Variants in ANK3 observed in about 807,000 individuals in gnomAD.
ANK3 encodes the protein ankyrin-3.
Under a neutral mutation model 370.9 loss-of-function variants are expected in ANK3, and 57 were observed. That is an observed-to-expected ratio of 0.15 (90% CI 0.12 to 0.19). ANK3 has a LOEUF of 0.19. Ranked by LOEUF, ANK3 falls within the 10% of genes least tolerant of loss-of-function variation. The pLI is 1.00. For missense variants in ANK3, 4,439 were observed against 5,302.1 expected (o/e 0.84, Z 5.06); for synonymous variants, 1,929 against 1,946.3 (o/e 0.99, Z 0.23).
At chr10:60,429,500 T>C (rs2063966302) in intron 2 of ANK3, among the ~76,000 whole-genome samples, 1 of 152,232 alleles carries the variant, frequency 6.6e-6, no homozygotes, top group African/African-American at 2.4e-5. Flanking sequence ...TAAGAGTTTA[T>C]TTTTGTAGGA....
intron 2 of ANK3, among the ~76,000 whole-genome samples, chr10:60,565,935 T>C (rs1408175173): frequency 6.6e-6 from 1 of 152,230 alleles, no homozygotes; most frequent in Non-Finnish European, 1.5e-5. Context: ...TTGCAGATAT[T>C]GCATTTTTTA....
At chr10:60,545,618 G>C (rs552921608) in intron 2 of ANK3, among the ~76,000 whole-genome samples, 3 of 151,990 alleles carry the variant, frequency 2.0e-5, no homozygotes, top group Admixed American at 6.6e-5. Flanking sequence ...ATTTTCAAGG[G>C]ATTGAAATAC....
rs545482915 is a variant in ANK3, at chr10:60,583,819, C to T, written c.96+31367G>A. On this transcript the variant is annotated intron_variant, in intron 2 of 43. Coordinates refer to the ANK3 transcript ENST00000373827. The stretch of plus-strand genomic sequence containing the variant: ...CAGATTGGTCTCGAACTCCTGACCT[C>T]GTGATCCACCTGCCTTGACCTCCCA... Among the ~76,000 whole-genome samples, 56 of 152,130 alleles carry T rather than the reference C, an allele frequency of 3.7e-4. 1 individual carries two copies. The highest frequency in any genetic ancestry group is 3.0e-3 in the Admixed American group (46 of 15,280).
At chr10:60,205,553 G>A (rs1341964786) in intron 11 of ANK3, among the ~76,000 whole-genome samples, 2 of 152,260 alleles carry the variant, frequency 1.3e-5, no homozygotes, top group Non-Finnish European at 2.9e-5. Context: ...TTCCCCTTAA[G>A]CATGTGTTTT....
chr10:60,547,300 C>G (rs1006541002), intron 2 of ANK3, among the ~76,000 whole-genome samples: 10 of 152,038 alleles, frequency 6.6e-5, no homozygotes, highest in Admixed American at 6.6e-5. Context: ...ATCATCTTGG[C>G]CAGACTGGTC....
At chr10:60,535,327 A>G (rs1369895777) in intron 2 of ANK3, among the ~76,000 whole-genome samples, 1 of 152,116 alleles carries the variant, frequency 6.6e-6, no homozygotes, top group African/African-American at 2.4e-5. Flanking sequence ...TCTATTTTAT[A>G]GCAATGAAAA....
At chr10:60,043,049 C>T (rs2076388303) in intron 42 of ANK3, 25 of 1,143,906 alleles carry the variant, frequency 2.2e-5, no homozygotes, top group Non-Finnish European at 2.6e-5. Flanking sequence ...CTATAGTAAG[C>T]TAAAAGAAAT....
intron 1 of ANK3, among the ~76,000 whole-genome samples, chr10:60,364,051 T>C (rs2059047869): frequency 6.6e-6 from 1 of 151,304 alleles, no homozygotes; most frequent in Non-Finnish European, 1.5e-5. Flanking sequence ...CCCAGCACTT[T>C]CGGAGGCTGA....
intron 1 of ANK3, among the ~76,000 whole-genome samples, chr10:60,329,833 T>C (rs572781766): frequency 6.6e-6 from 1 of 152,176 alleles, no homozygotes; most frequent in African/African-American, 2.4e-5. Context: ...GCCAAGACAA[T>C]CCTAAGCAAA....
chr10:60,120,156 C>A (rs900448166), intron 25 of ANK3, among the ~76,000 whole-genome samples: 1 of 152,060 alleles, frequency 6.6e-6, no homozygotes, highest in African/African-American at 2.4e-5. Flanking sequence ...AGAGATAAAT[C>A]CATACATCTA....
intron 2 of ANK3, among the ~76,000 whole-genome samples, chr10:60,502,488 CT>C (rs2075826097): frequency 6.6e-6 from 1 of 152,166 alleles, no homozygotes; most frequent in Non-Finnish European, 1.5e-5. Context: ...AATGACGTAT[CT>C]ATGTAAAACA....
Position 60,071,882 on chromosome 10 carries a change from C to T in ANK3, c.8999G>A (p.Ser3000Asn). Residue 3000 changes from serine (S) to asparagine (N), a missense_variant, in exon 37 of 44, where the codon AGT (serine) becomes AAT (asparagine). Coordinates refer to ENST00000280772, the MANE Select transcript of ANK3 (RefSeq NM_020987.5). The stretch of plus-strand genomic sequence containing the variant: ...GTGCTGTGTCTCAACTGTCTCTTTA[C>T]TCATGCTTGACTGGGACAATTTTTG... ...LSQKLSQSSMSKETVETQHFN... is the reference protein window; with the variant it reads ...LSQKLSQSSMNKETVETQHFN... 1 of 1,614,086 alleles carries T rather than the reference C, an allele frequency of 6.2e-7. No homozygotes were observed. The highest frequency in any genetic ancestry group is 8.5e-7 in the Non-Finnish European group (1 of 1,180,006).
chr10:60,540,458 G>A (rs1160999329), intron 2 of ANK3, among the ~76,000 whole-genome samples: 1 of 151,844 alleles, frequency 6.6e-6, no homozygotes, highest in Admixed American at 6.6e-5. Context: ...TAATCCAAAT[G>A]GGCTTAATCT....
At chr10:60,514,654 T>C (rs2076171906) in intron 2 of ANK3, among the ~76,000 whole-genome samples, 1 of 152,134 alleles carries the variant, frequency 6.6e-6, no homozygotes, top group Non-Finnish European at 1.5e-5. Context: ...TGATGGCCTA[T>C]ATATATCCCT....
chr10:60,070,296 C>T lies in ANK3; in HGVS notation c.10585G>A (p.Ala3529Thr), dbSNP rs368274922. ...YFSYKVDEEF[A>T]TPFKTVATKG... is the part of the protein sequence containing the mutation. ...GTAGCTACTGTTTTAAAAGGAGTGG[C>T]AAATTCTTCATCTACTTTGTAACTG... Residue 3529 changes from alanine to threonine, a missense_variant, in exon 37 of 44, where the codon GCC (alanine) becomes ACC (threonine). Transcript: ENST00000280772. This position sits in a 1 kb window ranked among gnomAD's most constrained non-coding sequence, Gnocchi z 5.7. 1.2e-6 allele frequency: 2 copies of T among 1,614,118 alleles called. No individual in the cohort carries two copies. The highest frequency in any genetic ancestry group is 8.5e-7 in the Non-Finnish European group (1 of 1,180,008).
At chr10:60,467,373 T>G (rs2065034836) in intron 2 of ANK3, among the ~76,000 whole-genome samples, 1 of 152,188 alleles carries the variant, frequency 6.6e-6, no homozygotes, top group Non-Finnish European at 1.5e-5. Flanking sequence ...TTTCATTTCA[T>G]TTTGATAATA....
chr10:60,452,794 A>C (rs2064644591), intron 2 of ANK3, among the ~76,000 whole-genome samples: 1 of 152,132 alleles, frequency 6.6e-6, no homozygotes, highest in Non-Finnish European at 1.5e-5. Flanking sequence ...TTCTCCCTTT[A>C]TTAGTTGTGC....
At chr10:60,348,524 T>C (rs2056194945) in intron 1 of ANK3, among the ~76,000 whole-genome samples, 1 of 152,124 alleles carries the variant, frequency 6.6e-6, no homozygotes, top group South Asian at 2.1e-4. Flanking sequence ...AATTAGATAT[T>C]TAACTCAAAA....
At chr10:60,205,770 C>G in intron 11 of ANK3, 22 bp downstream of exon 11, 1 of 1,576,920 alleles carries the variant, frequency 6.3e-7, no homozygotes, top group African/African-American at 1.3e-5. Context: ...TCAGGACTCC[C>G]AGAAATCTTA....
Sources: allele counts gnomAD v4.1 joint callset (sites outside exome capture counted in the v4.1 genomes callset), GRCh38; gene constraint gnomAD v4.1.1; non-coding constraint Gnocchi (gnomAD v3.1); transcripts MANE v1.5; gene names NCBI Gene and HGNC (gene_info 2026-07-23, HGNC 2026-07-21).